The following ASXL1 variants were observed in gnomAD, a reference collection of about 807,000 sequenced individuals.
The protein encoded by ASXL1 is polycomb group protein ASXL1.
In ASXL1, 65 loss-of-function variants were observed where a neutral mutation model predicts 89.1. The ratio of observed to expected loss-of-function variants is 0.73; its 90% CI spans 0.60 to 0.90. The LOEUF is 0.90. Among genes scored for constraint, ASXL1 ranks in the 40% least tolerant of loss-of-function variants. The pLI, the probability that ASXL1 is intolerant of heterozygous loss-of-function variation, is 0.00. For synonymous variants in ASXL1, 739 were observed against 746.9 expected, an observed-to-expected ratio of 0.99 and a Z score of 0.17; for missense variants, 1,786 against 1,942.9, an observed-to-expected ratio of 0.92 and a Z score of 1.52.
At chr20:32,371,366 G>A (rs1275665110) in intron 4 of ASXL1, among the ~76,000 whole-genome samples, 5 of 152,084 alleles carry the variant, frequency 3.3e-5, no homozygotes, top group African/African-American at 1.2e-4. Context: ...GCTCACTGCA[G>A]CCTTGACCTA....
At chr20:32,431,732 T>G in intron 10 of ASXL1, 53 bp downstream of exon 10, 1 of 1,566,210 alleles carries the variant, frequency 6.4e-7, no homozygotes. Flanking sequence ...TCGTGTGGTG[T>G]TGCATGTCTC....
At chr20:32,372,393 T>G in intron 4 of ASXL1, 1 of 1,123,782 alleles carries the variant, frequency 8.9e-7, no homozygotes. Context: ...TAGGCATCAC[T>G]TCTCTGATAT....
At chr20:32,419,507 C>G (rs1052932072) in intron 4 of ASXL1, among the ~76,000 whole-genome samples, 6 of 152,032 alleles carry the variant, frequency 3.9e-5, no homozygotes, top group African/African-American at 1.4e-4. Flanking sequence ...CTGGCCTTAC[C>G]AAGGTTTTAA....
At chr20:32,363,751 A>G (rs989959726) in intron 1 of ASXL1, among the ~76,000 whole-genome samples, 6 of 152,238 alleles carry the variant, frequency 3.9e-5, no homozygotes, top group African/African-American at 9.6e-5. Flanking sequence ...AGTTAGGCCA[A>G]TCACAGAGGG....
chr20:32,414,170 A>C (rs1243026847), intron 4 of ASXL1, among the ~76,000 whole-genome samples: 1 of 152,064 alleles, frequency 6.6e-6, no homozygotes. Context: ...CATTATGCTG[A>C]GTGTTTTGCC....
rs1205161647 is a variant in ASXL1, at chr20:32,397,692, C to CCAAGCCATGTGTTTCTTAAAACA, written c.252+28576_252+28577insTGTGTTTCTTAAAACACAAGCCA. ...GGAATTGCAGGCGTGAGCCACCATG[C>CCAAGCCATGTGTTTCTTAAAACA]CAAGCCAATTGTGTTTTAAGAAAAG... On this transcript the variant is annotated intron_variant, in intron 4 of 12. Coordinates refer to ENST00000375687, the MANE Select transcript of ASXL1 (RefSeq NM_015338.6). Among the ~76,000 whole-genome samples the CCAAGCCATGTGTTTCTTAAAACA allele has an allele frequency of 4.4e-3, 675 of 152,284 alleles. 6 individuals carry two copies. The highest frequency in any genetic ancestry group is 0.015 in the African/African-American group (618 of 41,550).
In ASXL1 at chr20:32,433,708, C is replaced by A. The variant is rs2011613069; in HGVS notation, c.1510C>A (p.Pro504Thr). The change falls in exon 12 of 13, where the codon CCA becomes ACA. Residue 504 changes from proline to threonine, a missense_variant. This residue lies in a region of ASXL1 where 1,418 missense variants were observed against 1,427.8 expected (regional missense o/e 0.99). Transcript: ENST00000375687. ...PDNLARASAS[P>T]DRIPSLPQET... ...CAACTTGGCACGTGCCTCTGCATCT[C>A]CAGACAGAATTCCTAGCCTGCCTCA... 1 of 1,612,824 alleles carries A rather than the reference C, an allele frequency of 6.2e-7. No individual in the cohort carries two copies. Among genetic ancestry groups the A allele is most frequent in the Non-Finnish European group, 8.5e-7 (1 of 1,179,012 alleles).
chr20:32,372,270 G>C (rs2048311475), intron 4 of ASXL1: 2 of 1,259,628 alleles, frequency 1.6e-6, no homozygotes, highest in East Asian at 7.6e-5. Flanking sequence ...TTAGTCTACA[G>C]CTTGTGTCTG....
At chr20:32,412,568 T>C (rs955627860) in intron 4 of ASXL1, among the ~76,000 whole-genome samples, 3 of 151,964 alleles carry the variant, frequency 2.0e-5, no homozygotes, top group African/African-American at 7.3e-5. Context: ...CAAGCACTGT[T>C]GCATTACCCT....
In ASXL1 at chr20:32,400,369, T is replaced by G. The variant is rs183404750; in HGVS notation, c.253-27759T>G. 1.2e-4 allele frequency among the ~76,000 whole-genome samples: 18 copies of G among 152,328 alleles called. 1 individual carries two copies. In the East Asian group the frequency reaches 3.5e-3, roughly 29 times the overall value. Reference sequence around the variant, plus strand: ...TCTTTAACTTTGTTATTGGATGCAGTTAAGTCACTTGAAAACCGTTGATTC... The same window carrying G: ...TCTTTAACTTTGTTATTGGATGCAGGTAAGTCACTTGAAAACCGTTGATTC... On this transcript the variant is annotated intron_variant, in intron 4 of 12. Coordinates refer to ENST00000375687, the MANE Select transcript of ASXL1 (RefSeq NM_015338.6).
At chr20:32,407,419 A>G (rs1168618698) in intron 4 of ASXL1, among the ~76,000 whole-genome samples, 1 of 152,022 alleles carries the variant, frequency 6.6e-6, no homozygotes, top group Non-Finnish European at 1.5e-5. Flanking sequence ...TATCCCGAGT[A>G]TGTGTTTTGC....
At chr20:32,410,212 T>C (rs2049020343) in intron 4 of ASXL1, among the ~76,000 whole-genome samples, 1 of 152,236 alleles carries the variant, frequency 6.6e-6, no homozygotes. Context: ...TCAAGACCAG[T>C]GGGTGCCTGA....
rs767827029 is a variant in ASXL1, at chr20:32,432,947, A to G, written c.1047A>G (p.Gln349=). The part of the protein sequence containing the change: ...QEMEKEKKVE[Q]WKEKFFEDYY... ...TGGAGAAGGAAAAGAAGGTGGAACA[A>G]TGGAAAGAAAAGTTCTTTGAAGACT... The change falls in exon 11 of 13, where the codon CAA becomes CAG. Residue 349 remains glutamine (Q), a synonymous_variant. Coordinates refer to ENST00000375687, the MANE Select transcript of ASXL1 (RefSeq NM_015338.6). 2 of 1,614,040 alleles carry G rather than the reference A, an allele frequency of 1.2e-6. No individual in the cohort carries two copies. The highest frequency in any genetic ancestry group is 2.7e-5 in the African/African-American group (2 of 75,050).
intron 1 of ASXL1, chr20:32,359,204 C>T (rs1445536738): frequency 3.6e-5 from 25 of 697,242 alleles, no homozygotes; most frequent in Non-Finnish European, 1.6e-5. Flanking sequence ...GTTGGGTTTC[C>T]GGGAAGGGTC....
chr20:32,367,690 T>G (rs756911650), intron 2 of ASXL1, 37 bp from the exon 3 acceptor site: 33 of 780,664 alleles, frequency 4.2e-5, no homozygotes, highest in Middle Eastern at 4.5e-4. Context: ...CCCATCATGC[T>G]GCTGTCTGCA....
rs1205585728 is a variant in ASXL1 at position 32,391,054 on chromosome 20, AT to A, written c.252+21943del. Among the ~76,000 whole-genome samples the A allele has an allele frequency of 7.1e-3, 1,045 of 146,590 alleles. 16 individuals carry two copies. The highest frequency in any genetic ancestry group is 0.024 in the African/African-American group (946 of 40,206). ...AGGCGCACACCACCATGTTCAGCTA[AT>A]TTTTTTTTTTTCTTGGTAGAGACAG... On this transcript the variant is annotated intron_variant, in intron 4 of 12. Transcript: ENST00000375687.
chr20:32,362,925 A>G (rs1430537016), intron 1 of ASXL1, among the ~76,000 whole-genome samples: 4 of 152,090 alleles, frequency 2.6e-5, no homozygotes, highest in Non-Finnish European at 5.9e-5. Context: ...CGCTAAATGG[A>G]TTCTCCCTGG....
At chr20:32,361,295 G>A (rs1454871979) in intron 1 of ASXL1, among the ~76,000 whole-genome samples, 2 of 152,100 alleles carry the variant, frequency 1.3e-5, no homozygotes, top group Non-Finnish European at 2.9e-5. Context: ...CCCAATGATT[G>A]ATTGTACCAC....
rs1340031234 is a variant in ASXL1 at position 32,431,424 on chromosome 20, T to C, written c.822T>C (p.His274=). 2 of 1,614,100 alleles carry C rather than the reference T, an allele frequency of 1.2e-6. No individual in the cohort carries two copies. The highest frequency in any genetic ancestry group is 1.3e-5 in the African/African-American group (1 of 74,932). ...CCCTGATCAACTCTCGGACCTTCCA[T>C]GCCTTACCATCACACTTCCAGCAGC... The part of the protein sequence containing the change: ...LRALINSRTF[H]ALPSHFQQQL... The change falls in exon 9 of 13, where the codon CAT becomes CAC. Residue 274 remains histidine (H), a synonymous_variant. Transcript: ENST00000375687.
Sources: allele counts gnomAD v4.1 joint callset (sites outside exome capture counted in the v4.1 genomes callset), GRCh38; gene constraint gnomAD v4.1.1; regional missense constraint gnomAD v4.1.1; transcripts MANE v1.5; gene names NCBI Gene and HGNC (gene_info 2026-07-23, HGNC 2026-07-21).